Variants in C11orf97 observed in about 807,000 individuals in gnomAD.
C11orf97 encodes the protein chromosome 11 open reading frame 97, also known as uncharacterized protein C11orf97.
C11orf97 carries 15 observed loss-of-function variants against 16.2 expected under a neutral mutation model. The ratio of observed to expected loss-of-function variants is 0.93; its 90% CI spans 0.62 to 1.43. The LOEUF (loss-of-function observed/expected upper bound fraction) is 1.43. Among genes scored for constraint, C11orf97 ranks in the 40% most tolerant of loss-of-function variants. C11orf97 has a pLI of 0.00. For synonymous variants in C11orf97, 61 were observed against 65.7 expected (o/e 0.93, Z 0.34); for missense variants, 171 against 161.2 (o/e 1.06, Z -0.33).
intron 3 of C11orf97, among the ~76,000 whole-genome samples, chr11:94,531,114 T>G (rs1947734912): frequency 6.6e-6 from 1 of 152,184 alleles, no homozygotes; most frequent in Non-Finnish European, 1.5e-5. Context: ...CTAAAGCATG[T>G]TTCCATTAGA....
intron 2 of C11orf97, among the ~76,000 whole-genome samples, chr11:94,520,645 G>A (rs1188458699): frequency 2.0e-5 from 3 of 152,062 alleles, no homozygotes; most frequent in Non-Finnish European, 4.4e-5. Context: ...TCATGAGATG[G>A]TACCACCAAA....
intron 1 of C11orf97, among the ~76,000 whole-genome samples, chr11:94,515,892 T>G (rs1225173550): frequency 2.6e-5 from 4 of 152,198 alleles, no homozygotes; most frequent in African/African-American, 9.7e-5. Flanking sequence ...TGTCAGGAGA[T>G]CTGAACTGAG....
At chr11:94,523,627 T>G (rs1565253724) in intron 2 of C11orf97, among the ~76,000 whole-genome samples, 2 of 152,234 alleles carry the variant, frequency 1.3e-5, no homozygotes, top group Non-Finnish European at 2.9e-5. Context: ...ATTTCTGTGC[T>G]TTTTCTCTTC....
rs12802057 is a variant in C11orf97, at chr11:94,528,131, G to A, written c.298G>A (p.Gly100Ser). ...CATTAAAAGGAATCTGCCTGTGGGA[G>A]GCTTGAAGCCAGGACTGCCGAGCAG... The part of the protein sequence containing the change: ...WSIKRNLPVG[G>S]LKPGLPSRNS... Residue 100 changes from glycine to serine, a missense_variant, in exon 3 of 4, where the codon GGC (glycine) becomes AGC (serine). By Grantham distance (56) the Gly-to-Ser change is moderately conservative. Coordinates refer to ENST00000542198, the MANE Select transcript of C11orf97 (RefSeq NM_001190462.2). 8.8e-3 allele frequency: 13,439 copies of A among 1,535,660 alleles called. 182 individuals are homozygous for A. The highest frequency in any genetic ancestry group is 0.067 in the Middle Eastern group (404 of 5,988).
intron 2 of C11orf97, among the ~76,000 whole-genome samples, chr11:94,522,143 C>G (rs1258279084): frequency 6.6e-6 from 1 of 152,106 alleles, no homozygotes; most frequent in Non-Finnish European, 1.5e-5. Context: ...TACGGCCTCT[C>G]TAGGATGCCT....
intron 2 of C11orf97, among the ~76,000 whole-genome samples, chr11:94,523,582 T>C (rs1248523490): frequency 1.3e-5 from 2 of 152,220 alleles, no homozygotes; most frequent in Non-Finnish European, 2.9e-5. Context: ...GAGTTGACAG[T>C]GACAATTATG....
chr11:94,517,883 C>T (rs1803166732), intron 2 of C11orf97, among the ~76,000 whole-genome samples, 196 bp downstream of exon 2: 2 of 152,002 alleles, frequency 1.3e-5, no homozygotes, highest in Admixed American at 1.3e-4. Flanking sequence ...GGCACGGTGG[C>T]TCACGCCTGT....
intron 2 of C11orf97, among the ~76,000 whole-genome samples, chr11:94,522,770 CAT>C (rs1947669381): frequency 6.6e-6 from 1 of 152,170 alleles, no homozygotes; most frequent in African/African-American, 2.4e-5. Context: ...ACCTTGCAGA[CAT>C]ATTTATTTGC....
At chr11:94,520,458 A>T (rs189035215) in intron 2 of C11orf97, among the ~76,000 whole-genome samples, 34 of 152,258 alleles carry the variant, frequency 2.2e-4, no homozygotes, top group Admixed American at 6.5e-4. Context: ...ATCTAGCCCT[A>T]TTGGGCTAAT....
chr11:94,515,303 AC>A (rs1020749410), intron 1 of C11orf97, among the ~76,000 whole-genome samples: 2 of 151,802 alleles, frequency 1.3e-5, no homozygotes, highest in African/African-American at 4.9e-5. Context: ...AGGAAAAAAA[AC>A]AAAAAACAAC....
Position 94,512,469 on chromosome 11 carries a change from C to T in C11orf97, c.-60C>T. On this transcript the variant is annotated 5_prime_UTR_variant, in exon 1 of 4. Transcript: ENST00000542198. ...AACCCGAGACGCCTCGCATGCTGGG[C>T]TGCCTGCGACTGAGCTGAGAAGGAA... The T allele has an allele frequency of 6.4e-6, 8 of 1,250,444 alleles. No individual in the cohort carries two copies. Among genetic ancestry groups the T allele is most frequent in the Non-Finnish European group, 8.0e-6 (8 of 996,478 alleles). The allele number at this position is 1,250,444 out of a possible 1,614,324, so 77.5% of individuals were successfully genotyped here.
Position 94,517,636 on chromosome 11 carries a change from G to A in C11orf97, c.199G>A (p.Glu67Lys), listed in dbSNP as rs540630653. Residue 67 changes from glutamate to lysine, a missense_variant, in exon 2 of 4, where the codon GAA (glutamate) becomes AAA (lysine). Transcript: ENST00000542198. Reference sequence around the variant, plus strand: ...TAAGAGAATTAAGGAAGTACTGGAAGAAGAACGTCATATTAAGAGAGATGA... The same window carrying A: ...TAAGAGAATTAAGGAAGTACTGGAAAAAGAACGTCATATTAAGAGAGATGA... Reference protein sequence around the residue: ...PHKRIKEVLEEERHIKRDECH... With the variant: ...PHKRIKEVLEKERHIKRDECH... 5.2e-6 allele frequency: 8 copies of A among 1,533,226 alleles called. No homozygotes were observed. In the African/African-American group the frequency reaches 5.5e-5, roughly 10 times the overall value. 95.0% of individuals were successfully genotyped at this position (1,533,226 alleles called of 1,614,324 possible).
rs1947742851 is a variant in C11orf97, at chr11:94,531,987, A to C, written c.*87A>C. On this transcript the variant is annotated 3_prime_UTR_variant, in exon 4 of 4. Coordinates refer to ENST00000542198, the MANE Select transcript of C11orf97 (RefSeq NM_001190462.2). ...GAAACTCAAGCTTGTTTCAGGATTT[A>C]AGATGTGTGCAAAAAAATGATAGCC... The C allele has an allele frequency of 8.9e-7, 1 of 1,124,862 alleles. No homozygotes were observed. Among genetic ancestry groups the C allele is most frequent in the Non-Finnish European group, 1.2e-6 (1 of 831,852 alleles). The allele number at this position is 1,124,862 out of a possible 1,614,324, so 69.7% of individuals were successfully genotyped here.
intron 1 of C11orf97, among the ~76,000 whole-genome samples, chr11:94,515,347 T>A (rs1447490787): frequency 6.6e-6 from 1 of 152,006 alleles, no homozygotes; most frequent in African/African-American, 2.4e-5. Flanking sequence ...GAATAATAAT[T>A]GTTTCAAAAG....
chr11:94,531,777 C>T, intron 3 of C11orf97, 119 bp from the exon 4 acceptor site: 1 of 794,092 alleles, frequency 1.3e-6, no homozygotes, highest in Admixed American at 3.9e-5. Context: ...GGGTGTGGCT[C>T]TTACATTCTG....
rs145742667 is a variant in C11orf97, at chr11:94,529,091, C to T, written c.376+882C>T. ...CACAGAGAGGTGAAATAATTTACCC[C>T]GGTTCGCTCAGCTAACAAGTAGAAG... is the stretch of plus-strand genomic sequence containing the variant. On this transcript the variant is annotated intron_variant, in intron 3 of 3. Transcript: ENST00000542198. 2.0e-3 allele frequency among the ~76,000 whole-genome samples: 300 copies of T among 152,220 alleles called. 4 individuals are homozygous for T. Among genetic ancestry groups the T allele is most frequent in the East Asian group, 0.018 (93 of 5,178 alleles).
intron 1 of C11orf97, among the ~76,000 whole-genome samples, chr11:94,513,900 T>C (rs1015128160): frequency 6.6e-6 from 1 of 152,150 alleles, no homozygotes; most frequent in Admixed American, 6.5e-5. Context: ...CTCAGCCTCC[T>C]GGGTTCAAGC....
At chr11:94,513,468 A>G (rs530083933) in intron 1 of C11orf97, among the ~76,000 whole-genome samples, 62 of 152,352 alleles carry the variant, frequency 4.1e-4, no homozygotes, top group African/African-American at 1.4e-3. Context: ...GGAACAGAGT[A>G]GTTTCCAGCC....
intron 1 of C11orf97, among the ~76,000 whole-genome samples, chr11:94,515,796 C>G (rs1038297216): frequency 9.2e-5 from 14 of 151,934 alleles, no homozygotes; most frequent in Non-Finnish European, 2.1e-4. Flanking sequence ...CGTACTAGCT[C>G]CTTAGTACTC....
Sources: gnomAD v4.1 joint callset for allele counts (sites outside exome capture counted in the v4.1 genomes callset) on GRCh38, gnomAD v4.1.1 for gene constraint, MANE v1.5 for transcripts, NCBI Gene and HGNC (gene_info 2026-07-23, HGNC 2026-07-21) for gene names.